FRMD6: variants seen among roughly 807,000 people sequenced by gnomAD.
FRMD6 encodes the protein FERM domain-containing protein 6.
Under a neutral mutation model 73.2 loss-of-function variants are expected in FRMD6, and 37 were observed. The ratio of observed to expected loss-of-function variants is 0.51; its 90% CI spans 0.39 to 0.66. FRMD6 has a LOEUF of 0.66. Ranked by LOEUF, FRMD6 falls within the 30% of genes least tolerant of loss-of-function variation. The probability of loss-of-function intolerance (pLI) is 0.00; values close to 1 mark genes in which losing one functional copy is unlikely to be tolerated. For missense variants in FRMD6, 714 were observed against 780.5 expected (o/e 0.91, Z 1.02); for synonymous variants, 273 against 282.2 (o/e 0.97, Z 0.33).
chr14:51,500,848 GC>G (rs199536462), intron 1 of FRMD6, among the ~76,000 whole-genome samples: 2 of 151,590 alleles, frequency 1.3e-5, no homozygotes, highest in African/African-American at 4.9e-5. Context: ...CATACGGTGA[GC>G]AGTACAGTGA....
At chr14:51,658,585 C>T (rs1340854511) in intron 1 of FRMD6, among the ~76,000 whole-genome samples, 1 of 152,076 alleles carries the variant, frequency 6.6e-6, no homozygotes, top group African/African-American at 2.4e-5. Context: ...GTCTTCCTTC[C>T]ACCCCCATCC....
At chr14:51,444,490 T>C in the FRMD6 span, among the ~76,000 whole-genome samples, 1 of 152,236 alleles carries the variant, frequency 6.6e-6, no homozygotes. Flanking sequence ...GGACAGTCTG[T>C]AACGAATCCA....
At chr14:51,509,355 G>C (rs931803255) in intron 1 of FRMD6, among the ~76,000 whole-genome samples, 1 of 151,854 alleles carries the variant, frequency 6.6e-6, no homozygotes, top group African/African-American at 2.4e-5. Context: ...AACCCCATCT[G>C]TACTAAAAAA....
chr14:51,515,458 G>A (rs1884574376), intron 1 of FRMD6, among the ~76,000 whole-genome samples: 1 of 152,044 alleles, frequency 6.6e-6, no homozygotes, highest in South Asian at 2.1e-4. Flanking sequence ...TATATATTAG[G>A]CCCCCACTTC....
chr14:51,542,068 G>A (rs1886230448), intron 1 of FRMD6, among the ~76,000 whole-genome samples: 3 of 151,904 alleles, frequency 2.0e-5, no homozygotes, highest in Non-Finnish European at 2.9e-5. Flanking sequence ...ACGCTCCTAG[G>A]CCCCATACCA....
At chr14:51,585,588 G>A (rs1253475644) in intron 2 of FRMD6, among the ~76,000 whole-genome samples, 2 of 152,014 alleles carry the variant, frequency 1.3e-5, no homozygotes, top group Non-Finnish European at 2.9e-5. Flanking sequence ...ACTTTAGATC[G>A]AATAACAACT....
chr14:51,518,453 C>T (rs557442905), intron 1 of FRMD6, among the ~76,000 whole-genome samples: 14 of 152,294 alleles, frequency 9.2e-5, no homozygotes, highest in South Asian at 2.1e-4. Context: ...TTCTCAGAAG[C>T]GCATTTCCAG....
intron 1 of FRMD6, among the ~76,000 whole-genome samples, chr14:51,494,266 T>C (rs751558960): frequency 3.9e-5 from 6 of 152,110 alleles, no homozygotes; most frequent in Non-Finnish European, 7.4e-5. Flanking sequence ...TAGATATGGA[T>C]GAGATTTAAG....
chr14:51,685,736 A>G (rs1895104954), intron 1 of FRMD6, among the ~76,000 whole-genome samples: 1 of 152,178 alleles, frequency 6.6e-6, no homozygotes. Context: ...AGAAATCGGG[A>G]CAATATTATC....
chr14:51,554,891 A>G (rs959368388), intron 1 of FRMD6: 1 of 152,220 alleles, frequency 6.6e-6, no homozygotes, highest in Non-Finnish European at 1.5e-5. Flanking sequence ...TAATAAGTAT[A>G]CCGCAAAATG....
chr14:51,445,471 G>T, the FRMD6 span, among the ~76,000 whole-genome samples: 1 of 33,016 alleles, frequency 3.0e-5, no homozygotes. Flanking sequence ...AAACAGAAGT[G>T]CAATTTTTTT....
At chr14:51,471,756 T>C in the FRMD6 span, among the ~76,000 whole-genome samples, 2 of 151,770 alleles carry the variant, frequency 1.3e-5, no homozygotes. Flanking sequence ...TCCAAGAGGA[T>C]TTCTCTAGGA....
intron 2 of FRMD6, among the ~76,000 whole-genome samples, chr14:51,571,707 C>T (rs1017456471): frequency 1.3e-5 from 2 of 152,078 alleles, no homozygotes; most frequent in Admixed American, 6.6e-5. Context: ...ATCAGAGTCT[C>T]TTAGACTCAA....
chr14:51,618,419 G>T (rs1594610563), intron 2 of FRMD6, among the ~76,000 whole-genome samples: 1 of 152,300 alleles, frequency 6.6e-6, no homozygotes, highest in South Asian at 2.1e-4. Flanking sequence ...TTCGTTAAAA[G>T]GTCATTCTGG....
In FRMD6 at chr14:51,724,731, G is replaced by T. The variant is rs1022290598; in HGVS notation, c.1493-1048G>T. ...AATCACATTACTTAAAGGGTTTTTT[G>T]TTTTTTTTTTTTAAGAAGCCATTTG... On this transcript the variant is annotated intron_variant, in intron 12 of 13. Coordinates refer to ENST00000344768, the MANE Select transcript of FRMD6 (RefSeq NM_001267046.2). Among the ~76,000 whole-genome samples, 1,271 of 145,562 alleles carry T rather than the reference G, an allele frequency of 8.7e-3. 19 individuals are homozygous for T. Among genetic ancestry groups the T allele is most frequent in the Middle Eastern group, 0.011 (3 of 276 alleles).
In FRMD6 at chr14:51,610,901, T is replaced by C. The variant is rs1358781427; in HGVS notation, c.-147+40491T>C. 2.6e-5 allele frequency among the ~76,000 whole-genome samples: 4 copies of C among 152,242 alleles called. No homozygotes were observed. The East Asian group carries it at 7.7e-4, about 29-fold the overall frequency. ...AACTGATGGCTATGACTTTGACTTT[T>C]CTTTCAACCCATGGTTGTGGCATTG... On this transcript the variant is annotated intron_variant, in intron 2 of 14. Coordinates refer to the FRMD6 transcript ENST00000356218.
At chr14:51,475,849 A>G in the FRMD6 span, among the ~76,000 whole-genome samples, 1 of 152,214 alleles carries the variant, frequency 6.6e-6, no homozygotes, top group Non-Finnish European at 1.5e-5. Context: ...GAGAAAAGCC[A>G]TATGCTGAGG....
intron 2 of FRMD6, among the ~76,000 whole-genome samples, chr14:51,609,341 C>G (rs1407516108): frequency 2.0e-5 from 3 of 152,154 alleles, no homozygotes; most frequent in Admixed American, 6.5e-5. Context: ...GGGCCATGGT[C>G]TGTGCTTTCA....
At chr14:51,454,248 CT>C in the FRMD6 span, among the ~76,000 whole-genome samples, 1 of 152,202 alleles carries the variant, frequency 6.6e-6, no homozygotes, top group Admixed American at 6.5e-5. Flanking sequence ...TACCTTCTGG[CT>C]TTTAAAATGT....
Sources: gnomAD v4.1 joint callset for allele counts (sites outside exome capture counted in the v4.1 genomes callset) on GRCh38, gnomAD v4.1.1 for gene constraint, MANE v1.5 for transcripts, NCBI Gene and HGNC (gene_info 2026-07-23, HGNC 2026-07-21) for gene names.